Variants in VDAC2 observed in about 807,000 individuals in gnomAD.
The protein encoded by VDAC2 is non-selective voltage-gated ion channel VDAC2.
In VDAC2, 6 loss-of-function variants were observed where a neutral mutation model predicts 36.6. The ratio of observed to expected loss-of-function variants is 0.16; its 90% CI spans 0.09 to 0.32. VDAC2 has a LOEUF of 0.32. Among genes scored for constraint, VDAC2 ranks in the 10% least tolerant of loss-of-function variants. VDAC2 has a pLI of 1.00. For synonymous variants in VDAC2, 109 were observed against 123.8 expected (o/e 0.88, Z 0.79); for missense variants, 247 against 346.0 (o/e 0.71, Z 2.27).
rs570601133 is a variant in VDAC2, at chr10:75,219,022, G to C, written c.151-41G>C. 5 of 1,586,460 alleles carry C rather than the reference G, an allele frequency of 3.2e-6. No individual in the cohort carries two copies. The Admixed American group carries it at 8.8e-5, about 28-fold the overall frequency. On this transcript the variant is annotated intron_variant, in intron 4 of 9. Coordinates refer to ENST00000332211, the MANE Select transcript of VDAC2 (RefSeq NM_001391963.1). ...TGTGTAAGGCAGTGATGAATTCTAG[G>C]CTTATGAGAATGTTCATGAAGTTAT...
chr10:75,214,010 ATTTG>A lies in VDAC2; in HGVS notation c.101-8_101-5del. Reference sequence around the variant, plus strand: ...AATCATTTTGTTTCTTTTGCTGTCTATTTGTTGAAGGTTTTGGGTTGGTGAAACT... The same window carrying A: ...AATCATTTTGTTTCTTTTGCTGTCTATTGAAGGTTTTGGGTTGGTGAAACT... On this transcript the variant is annotated splice_region_variant and splice_polypyrimidine_tract_variant and intron_variant, in intron 3 of 9. Coordinates refer to ENST00000332211, the MANE Select transcript of VDAC2 (RefSeq NM_001391963.1). The A allele has an allele frequency of 6.2e-7, 1 of 1,612,908 alleles. No individual in the cohort carries two copies.
At chr10:75,212,020 A>G (rs56115704) in intron 2 of VDAC2, among the ~76,000 whole-genome samples, 4,091 of 152,352 alleles carry the variant, frequency 0.027, 85 homozygotes, top group Middle Eastern at 0.075. Context: ...CCAAGTTTGT[A>G]TAATCATGGT....
chr10:75,212,058 G>T (rs1841439700), intron 2 of VDAC2, among the ~76,000 whole-genome samples, 172 bp from the exon 3 acceptor site: 1 of 152,200 alleles, frequency 6.6e-6, no homozygotes, highest in Admixed American at 6.5e-5. Context: ...ATTCGTTGGT[G>T]GTATCTCCTT....
intron 8 of VDAC2, among the ~76,000 whole-genome samples, chr10:75,228,413 A>G (rs1163664330): frequency 3.3e-5 from 5 of 151,826 alleles, no homozygotes; most frequent in Non-Finnish European, 7.4e-5. Context: ...GTGCACCATC[A>G]TACCAAGCTA....
intron 4 of VDAC2, among the ~76,000 whole-genome samples, chr10:75,215,106 G>A (rs1480913218): frequency 1.3e-5 from 2 of 151,556 alleles, no homozygotes; most frequent in South Asian, 2.1e-4. Context: ...TAGAGATGAC[G>A]TTTTGCCATG....
At position 75,220,894 on chromosome 10, in the gene VDAC2, A is replaced by G; in HGVS notation, c.508A>G (p.Ser170Gly). 1 of 1,613,778 alleles carries G rather than the reference A, an allele frequency of 6.2e-7. No homozygotes were observed. The highest frequency in any genetic ancestry group is 8.5e-7 in the Non-Finnish European group (1 of 1,179,650). ...TGCTGGCTACCAGATGACCTTTGAC[A>G]GTGCCAAATCAAAGCTGACAAGGAA... is the stretch of plus-strand genomic sequence containing the variant. ...WLAGYQMTFDSAKSKLTRNNF... is the reference protein window; with the variant it reads ...WLAGYQMTFDGAKSKLTRNNF... The change falls in exon 7 of 10, where the codon AGT becomes GGT. Residue 170 changes from serine to glycine, a missense_variant. Ser to Gly is a moderately conservative substitution (Grantham distance 56). Transcript: ENST00000332211.
intron 8 of VDAC2, among the ~76,000 whole-genome samples, chr10:75,223,225 G>A (rs112450539): frequency 0.13 from 19,179 of 151,918 alleles, 1,494 homozygotes; most frequent in East Asian, 0.24. Flanking sequence ...TGATCCACCC[G>A]CCTCAGCCTC....
At chr10:75,220,017 A>G (rs754087458) in intron 6 of VDAC2, among the ~76,000 whole-genome samples, 3 of 149,580 alleles carry the variant, frequency 2.0e-5, no homozygotes, top group Admixed American at 6.7e-5. Flanking sequence ...TGGTAGAGAC[A>G]GGGTTTCACC....
Position 75,220,952 on chromosome 10 carries a change from T to G in VDAC2, c.566T>G (p.Phe189Cys). The change falls in exon 7 of 10, where the codon TTC becomes TGC. Residue 189 changes from phenylalanine to cysteine, a missense_variant. Around this residue, in one of 3 missense-constraint regions of VDAC2, gnomAD observed 159 missense variants for 234.0 expected, o/e 0.68. Transcript: ENST00000332211. The stretch of plus-strand genomic sequence containing the variant: ...GCAGTGGGCTACAGGACTGGGGACT[T>G]CCAGCTACACACTAATGTGTAAGTA... ...NFAVGYRTGD[F>C]QLHTNVNDGT... is the part of the protein sequence containing the mutation. 6.2e-7 allele frequency: 1 copy of G among 1,612,660 alleles called. No homozygotes were observed. Among genetic ancestry groups the G allele is most frequent in the Non-Finnish European group, 8.5e-7 (1 of 1,179,050 alleles).
Position 75,230,905 on chromosome 10 carries a change from G to A in VDAC2, c.801G>A (p.Lys267=). 1 of 1,613,538 alleles carries A rather than the reference G, an allele frequency of 6.2e-7. No individual in the cohort carries two copies. The highest frequency in any genetic ancestry group is 8.5e-7 in the Non-Finnish European group (1 of 1,179,682). ...GYTQTLRPGV[K]LTLSALVDGK... ...GTTTTTTTGTCTTAATAGGTGTGAAGCTTACACTCTCTGCTCTGGTAGATG... is the reference window on the plus strand; with the variant it reads ...GTTTTTTTGTCTTAATAGGTGTGAAACTTACACTCTCTGCTCTGGTAGATG... Residue 267 remains lysine (K), a synonymous_variant, in exon 10 of 10, where the codon AAG becomes AAA. Coordinates refer to ENST00000332211, the MANE Select transcript of VDAC2 (RefSeq NM_001391963.1).
intron 7 of VDAC2, 106 bp from the exon 8 acceptor site, chr10:75,222,146 A>G (rs1256427383): frequency 3.2e-6 from 4 of 1,249,170 alleles, no homozygotes; most frequent in Non-Finnish European, 4.4e-6. Context: ...CTAAAGACCC[A>G]CTTGAGCTGT....
In VDAC2 at chr10:75,211,022, C is replaced by T. The variant is rs1271334175; in HGVS notation, c.-26+84C>T. On this transcript the variant is annotated intron_variant, in intron 1 of 9. Transcript: ENST00000332211. ...AGGCCCGCGCCGGACTCGGAGTCGG[C>T]CCTGGCTTCCTAAGATGGCCGCGCT... 7 of 1,048,762 alleles carry T rather than the reference C, an allele frequency of 6.7e-6. No homozygotes were observed. In the African/African-American group the frequency reaches 8.4e-5, roughly 13 times the overall value. The allele number at this position is 1,048,762 out of a possible 1,614,324, so 65.0% of individuals were successfully genotyped here.
At chr10:75,210,467 G>A (rs907212394), upstream of VDAC2, among the ~76,000 whole-genome samples, 2 of 152,180 alleles carry the variant, frequency 1.3e-5, no homozygotes, top group Non-Finnish European at 2.9e-5. Context: ...GCGCCCTATC[G>A]CCCCGGCCAC....
intron 8 of VDAC2, among the ~76,000 whole-genome samples, chr10:75,225,466 T>A (rs1255624208): frequency 6.6e-6 from 1 of 152,208 alleles, no homozygotes; most frequent in African/African-American, 2.4e-5. Flanking sequence ...CAAAGTTGTT[T>A]GGCAGGAATT....
chr10:75,225,762 A>G (rs1380457254), intron 8 of VDAC2, among the ~76,000 whole-genome samples: 1 of 150,262 alleles, frequency 6.7e-6, no homozygotes, highest in Non-Finnish European at 1.5e-5. Flanking sequence ...CTGCTGAGCT[A>G]TTTTTTTTTC....
At chr10:75,214,162 C>T (rs1002222621) in intron 4 of VDAC2, 92 bp downstream of exon 4, 1 of 1,358,344 alleles carries the variant, frequency 7.4e-7, no homozygotes, top group African/African-American at 1.4e-5. Flanking sequence ...CCTGTTTTGT[C>T]TTAAAGAAGA....
rs964634721 is a variant in VDAC2 at position 75,214,455 on chromosome 10, A to G, written c.150+385A>G. ...TTTGAGTGTACTAATCATTTATATA[A>G]TGTCCATTTTCTAGCAGTTCTCCCT... On this transcript the variant is annotated intron_variant, in intron 4 of 9. Transcript: ENST00000332211. Among the ~76,000 whole-genome samples, 22 of 152,186 alleles carry G rather than the reference A, an allele frequency of 1.4e-4. 1 individual carries two copies. The highest frequency in any genetic ancestry group is 6.6e-5 in the Admixed American group (1 of 15,266).
chr10:75,218,527 C>G (rs1021058629), intron 4 of VDAC2, among the ~76,000 whole-genome samples: 1 of 152,176 alleles, frequency 6.6e-6, no homozygotes, highest in East Asian at 1.9e-4. Context: ...TTTGGGAGGC[C>G]GAGGTGGGTG....
At position 75,215,836 on chromosome 10, in the gene VDAC2, C is replaced by T. The variant is rs1841587230; in HGVS notation, c.150+1766C>T. 3.3e-5 allele frequency among the ~76,000 whole-genome samples: 5 copies of T among 152,152 alleles called. No homozygotes were observed. In the South Asian group the frequency reaches 1.0e-3, roughly 31 times the overall value. On this transcript the variant is annotated intron_variant, in intron 4 of 9. Transcript: ENST00000332211. ...TCCCAGGTTCAAGTGATTCTCCGGC[C>T]TCAGCCTCCCAAGTAGCTGGGATTA...
Sources: gnomAD v4.1 joint callset for allele counts (sites outside exome capture counted in the v4.1 genomes callset) on GRCh38, gnomAD v4.1.1 for gene constraint, gnomAD v4.1.1 regional missense constraint, MANE v1.5 for transcripts, NCBI Gene and HGNC (gene_info 2026-07-23, HGNC 2026-07-21) for gene names.